The following IL32 variants were observed in gnomAD, a reference collection of about 807,000 sequenced individuals.
The protein encoded by IL32 is interleukin-32.
In IL32, 30 loss-of-function variants were observed where a neutral mutation model predicts 16.6. The observed-to-expected ratio is 1.81, with a 90% confidence interval of 1.35 to 2.45. The LOEUF (loss-of-function observed/expected upper bound fraction) is 2.45, where lower values mean the gene tolerates loss of function less well. IL32 is among the 30% of genes most tolerant of loss of function. The pLI is 0.00. For synonymous variants in IL32, 70 were observed against 86.1 expected, an observed-to-expected ratio of 0.81 and a Z score of 1.03; for missense variants, 234 against 229.8, an observed-to-expected ratio of 1.02 and a Z score of -0.12.
rs1000647392 is a variant in IL32 at position 3,066,463 on chromosome 16, A to G, written c.15+637A>G. Among the ~76,000 whole-genome samples the G allele has an allele frequency of 5.8e-4, 89 of 152,324 alleles. 1 individual carries two copies. Among genetic ancestry groups the G allele is most frequent in the African/African-American group, 2.0e-3 (83 of 41,586 alleles). ...AAGTGTGCAGACAGCTGCCCTGCCC[A>G]GAATATGTCCCCAGGCCCTGCGCAC... On this transcript the variant is annotated intron_variant, in intron 2 of 6. Coordinates refer to ENST00000525643, the MANE Select transcript of IL32 (RefSeq NM_001376923.1).
At chr16:3,065,945 C>G in intron 2 of IL32, 119 bp downstream of exon 2, 2 of 1,203,672 alleles carry the variant, frequency 1.7e-6, no homozygotes, top group Non-Finnish European at 2.5e-6. Flanking sequence ...GGGCACCCAG[C>G]GGCAGGAGGA....
intron 5 of IL32, 67 bp from the exon 6 acceptor site, chr16:3,068,113 G>C (rs1210822291): frequency 6.2e-6 from 10 of 1,603,352 alleles, no homozygotes; most frequent in Admixed American, 1.7e-5. Flanking sequence ...ACCTGGACCA[G>C]TGGGGGCCAC....
At position 3,068,213 on chromosome 16, in the gene IL32, G is replaced by C. The variant is rs1240686984; in HGVS notation, c.175G>C (p.Ala59Pro). The C allele has an allele frequency of 6.2e-7, 1 of 1,601,264 alleles. No individual in the cohort carries two copies. The highest frequency in any genetic ancestry group is 1.7e-5 in the Admixed American group (1 of 58,022). ...CAAAGAGGGCTACCTGGAGACAGTG[G>C]CGGCTTATTATGAGGAGCAGCACCC... ...DFKEGYLETV[A>P]AYYEEQHPEL... The change falls in exon 6 of 7, where the codon GCG (alanine) becomes CCG (proline). Residue 59 changes from alanine to proline, a missense_variant. Coordinates refer to ENST00000525643, the MANE Select transcript of IL32 (RefSeq NM_001376923.1).
rs1956824303 is a variant in IL32 at position 3,069,408 on chromosome 16, C to T, written c.*53C>T. On this transcript the variant is annotated 3_prime_UTR_variant, in exon 7 of 7. Transcript: ENST00000525643. ...CGTCACCGCGCACCCACCCTGACCCCTCCCTCAGCTGTCCTGTGCCCCGCC... is the reference window on the plus strand; with the variant it reads ...CGTCACCGCGCACCCACCCTGACCCTTCCCTCAGCTGTCCTGTGCCCCGCC... 1 of 1,535,348 alleles carries T rather than the reference C, an allele frequency of 6.5e-7. No homozygotes were observed. The highest frequency in any genetic ancestry group is 2.0e-5 in the Admixed American group (1 of 50,046).
intron 3 of IL32, 60 bp from the exon 4 acceptor site, chr16:3,067,494 C>G: frequency 6.2e-7 from 1 of 1,613,950 alleles, no homozygotes; most frequent in Non-Finnish European, 8.5e-7. Flanking sequence ...TGTGGGACAC[C>G]TGGGACCCTG....
chr16:3,068,038 G>C (rs1956616703), intron 5 of IL32, 28 bp downstream of exon 5: 1 of 1,613,888 alleles, frequency 6.2e-7, no homozygotes, highest in Non-Finnish European at 8.5e-7. Flanking sequence ...CCTCCACCAA[G>C]CTTAGTCCCT....
chr16:3,067,515 G>C (rs201114894), intron 3 of IL32, 39 bp from the exon 4 acceptor site: 8 of 1,614,014 alleles, frequency 5.0e-6, no homozygotes, highest in African/African-American at 1.3e-5. Flanking sequence ...GAGGGACAAG[G>C]ATCCGGCCCT....
chr16:3,067,811 T>C (rs941098058), intron 4 of IL32, 173 bp from the exon 5 acceptor site: 7 of 854,512 alleles, frequency 8.2e-6, no homozygotes, highest in Middle Eastern at 3.2e-4. Context: ...GAGGGAGGCA[T>C]CCAAGCCCCA....
chr16:3,067,830 T>G, intron 4 of IL32, 154 bp from the exon 5 acceptor site: 1 of 950,374 alleles, frequency 1.1e-6, no homozygotes, highest in Non-Finnish European at 1.7e-6. Context: ...CAGGGCTCCT[T>G]GAGGAAACAA....
chr16:3,067,731 C>A, intron 4 of IL32, 118 bp downstream of exon 4: 1 of 922,264 alleles, frequency 1.1e-6, no homozygotes, highest in Non-Finnish European at 1.7e-6. Context: ...TCACCCCTTA[C>A]CGTGGGCAAA....
chr16:3,068,058 G>C, intron 5 of IL32, 48 bp downstream of exon 5: 2 of 1,612,024 alleles, frequency 1.2e-6, no homozygotes, highest in Non-Finnish European at 1.7e-6. Context: ...TGGGTCTTAG[G>C]CTCCACAGGA....
At chr16:3,068,080 G>C in intron 5 of IL32, 70 bp downstream of exon 5, 7 of 1,608,102 alleles carry the variant, frequency 4.4e-6, no homozygotes, top group South Asian at 1.1e-5. Flanking sequence ...ACTGGGTCTG[G>C]GCCCCGGGTC....
Position 3,068,164 on chromosome 16 carries a change from G to A in IL32, c.142-16G>A. ...GGCAGGAGCAGCATGAACCCCCTGT[G>A]CCCTCCTCTCCCCAGGACGACTTCA... On this transcript the variant is annotated splice_polypyrimidine_tract_variant and intron_variant, in intron 5 of 6. Coordinates refer to ENST00000525643, the MANE Select transcript of IL32 (RefSeq NM_001376923.1). The A allele has an allele frequency of 6.2e-7, 1 of 1,603,998 alleles. No homozygotes were observed. Among genetic ancestry groups the A allele is most frequent in the Non-Finnish European group, 8.5e-7 (1 of 1,175,030 alleles).
At chr16:3,067,854 C>A in intron 4 of IL32, 130 bp from the exon 5 acceptor site, 1 of 1,107,614 alleles carries the variant, frequency 9.0e-7, no homozygotes, top group Non-Finnish European at 1.4e-6. Flanking sequence ...GGGTGCCAGA[C>A]GTGGCCCGGG....
chr16:3,068,751 T>G, intron 6 of IL32: 5 of 593,148 alleles, frequency 8.4e-6, no homozygotes, highest in Non-Finnish European at 8.7e-6. Flanking sequence ...CAAGGCACGA[T>G]GAGGGCCCTG....
intron 2 of IL32, among the ~76,000 whole-genome samples, chr16:3,066,687 A>G (rs1199693656): frequency 1.3e-5 from 2 of 152,150 alleles, no homozygotes; most frequent in East Asian, 1.9e-4. Flanking sequence ...GGCAGGTTGT[A>G]GGGTGGACCT....
chr16:3,067,344 C>A, intron 2 of IL32, 33 bp from the exon 3 acceptor site: 1 of 1,303,120 alleles, frequency 7.7e-7, no homozygotes, highest in Non-Finnish European at 1.1e-6. Flanking sequence ...TAAGGTGACA[C>A]ATGGAGACTG....
At position 3,067,422 on chromosome 16, in the gene IL32, C is replaced by A; in HGVS notation, c.54+7C>A. On this transcript the variant is annotated splice_region_variant and intron_variant, in intron 3 of 6. Transcript: ENST00000525643. ...GAAGCTGAAGGCCCGAATGGTAATG[C>A]TCCTCCCTACTTCTGCTCAGGGGTT... 2 of 1,593,444 alleles carry A rather than the reference C, an allele frequency of 1.3e-6. No individual in the cohort carries two copies. The highest frequency in any genetic ancestry group is 1.3e-5 in the African/African-American group (1 of 74,176).
At chr16:3,067,715 G>T in intron 4 of IL32, 102 bp downstream of exon 4, 1 of 989,098 alleles carries the variant, frequency 1.0e-6, no homozygotes. Flanking sequence ...GGACCCACAG[G>T]CTCCCTCACC....
Sources: allele counts gnomAD v4.1 joint callset (sites outside exome capture counted in the v4.1 genomes callset), GRCh38; gene constraint gnomAD v4.1.1; transcripts MANE v1.5; gene names NCBI Gene and HGNC (gene_info 2026-07-23, HGNC 2026-07-21).